TBCK: variants seen among roughly 807,000 people sequenced by gnomAD.
TBCK encodes TBC domain-containing protein kinase-like protein.
Under a neutral mutation model 113.4 loss-of-function variants are expected in TBCK, and 99 were observed. The observed-to-expected ratio is 0.87, with a 90% CI of 0.74 to 1.03. The LOEUF is 1.03. TBCK is among the 50% of genes least tolerant of loss of function. The probability of loss-of-function intolerance (pLI) is 0.00; values close to 1 mark genes in which losing one functional copy is unlikely to be tolerated. For synonymous variants in TBCK, 369 were observed against 370.8 expected, an observed-to-expected ratio of 1.00 and a Z score of 0.05; for missense variants, 1,045 against 1,061.3, an observed-to-expected ratio of 0.98 and a Z score of 0.21.
intron 12 of TBCK, among the ~76,000 whole-genome samples, chr4:106,242,078 A>G (rs1004547214): frequency 5.9e-5 from 9 of 152,098 alleles, no homozygotes; most frequent in African/African-American, 1.9e-4. Context: ...TAATACATAG[A>G]AGAGGTAGGT....
intron 25 of TBCK, among the ~76,000 whole-genome samples, chr4:106,053,279 A>C (rs1160949097): frequency 2.6e-5 from 4 of 151,514 alleles, no homozygotes; most frequent in Admixed American, 6.6e-5. Flanking sequence ...ATTCTCCCCA[A>C]ACTTTTGTCT....
chr4:106,107,337 C>T (rs1742286108), intron 24 of TBCK, among the ~76,000 whole-genome samples: 1 of 152,202 alleles, frequency 6.6e-6, no homozygotes, highest in South Asian at 2.1e-4. Flanking sequence ...AATATACATT[C>T]TTCTCATTAC....
chr4:106,188,777 G>A (rs1187929882), intron 22 of TBCK, among the ~76,000 whole-genome samples: 1 of 152,094 alleles, frequency 6.6e-6, no homozygotes, highest in African/African-American at 2.4e-5. Context: ...ACTTTATAAA[G>A]TATTTACATG....
chr4:106,280,479 G>C lies in TBCK; in HGVS notation c.266+14615C>G, dbSNP rs192706617. ...TGTTTTGGTTGCCTATGCTTGTGGG[G>C]TATTACACAGGAAATCTTTGCCCAG... On this transcript the variant is annotated intron_variant, in intron 3 of 25. Coordinates refer to ENST00000394708, the MANE Select transcript of TBCK (RefSeq NM_001163435.3). 3.4e-3 allele frequency among the ~76,000 whole-genome samples: 521 copies of C among 152,168 alleles called. 6 individuals are homozygous for C. Among genetic ancestry groups the C allele is most frequent in the African/African-American group, 0.012 (505 of 41,530 alleles).
chr4:106,248,150 C>T (rs1325910455), intron 9 of TBCK, 95 bp downstream of exon 9: 6 of 718,684 alleles, frequency 8.3e-6, no homozygotes, highest in Non-Finnish European at 1.3e-5. Flanking sequence ...TCCATATGTA[C>T]ATTATCTTTA....
chr4:106,144,829 G>C (rs1295090055), intron 23 of TBCK, among the ~76,000 whole-genome samples: 1 of 151,258 alleles, frequency 6.6e-6, no homozygotes, highest in African/African-American at 2.4e-5. Context: ...TTCGAGACCA[G>C]CCTGACCATC....
chr4:106,274,064 GT>G (rs1217048054), intron 3 of TBCK, among the ~76,000 whole-genome samples: 9 of 152,166 alleles, frequency 5.9e-5, no homozygotes, highest in Non-Finnish European at 5.9e-5. Flanking sequence ...AATTCCAAGG[GT>G]TTTTGAAGCT....
intron 24 of TBCK, among the ~76,000 whole-genome samples, chr4:106,103,151 C>A (rs1451410023): frequency 1.3e-5 from 2 of 152,122 alleles, no homozygotes; most frequent in African/African-American, 4.8e-5. Context: ...AGGGAAGGAT[C>A]TTTCTATCAT....
chr4:106,191,056 C>A (rs1753612912), intron 22 of TBCK, among the ~76,000 whole-genome samples: 3 of 152,162 alleles, frequency 2.0e-5, no homozygotes, highest in African/African-American at 7.2e-5. Context: ...GCTCAGTGAA[C>A]ATATTTGGGG....
chr4:106,210,166 A>G (rs1386857459), intron 20 of TBCK, among the ~76,000 whole-genome samples: 1 of 152,208 alleles, frequency 6.6e-6, no homozygotes, highest in Non-Finnish European at 1.5e-5. Flanking sequence ...CCTTCTAGAC[A>G]AAAGACAGAT....
intron 23 of TBCK, among the ~76,000 whole-genome samples, chr4:106,120,698 AG>A (rs1560677082): frequency 6.6e-6 from 1 of 152,178 alleles, no homozygotes; most frequent in South Asian, 2.1e-4. Flanking sequence ...ACCCCCCAGC[AG>A]GGGCACACTG....
intron 1 of TBCK, among the ~76,000 whole-genome samples, chr4:106,313,967 T>G (rs1561011864): frequency 6.6e-6 from 1 of 152,204 alleles, no homozygotes; most frequent in South Asian, 2.1e-4. Flanking sequence ...AATAATCTCC[T>G]TAGTATGGCA....
At chr4:106,311,559 T>A (rs1170184244) in intron 1 of TBCK, among the ~76,000 whole-genome samples, 1 of 151,790 alleles carries the variant, frequency 6.6e-6, no homozygotes, top group Non-Finnish European at 1.5e-5. Flanking sequence ...TAAGGGAATT[T>A]AAAAAAAATA....
chr4:106,093,765 A>G (rs1030507667), intron 25 of TBCK, among the ~76,000 whole-genome samples: 3 of 152,196 alleles, frequency 2.0e-5, no homozygotes, highest in Non-Finnish European at 4.4e-5. Context: ...AACCTGTACA[A>G]CAAATGCCTA....
chr4:106,113,340 G>A (rs1001233785), intron 24 of TBCK, among the ~76,000 whole-genome samples: 16 of 152,154 alleles, frequency 1.1e-4, no homozygotes, highest in African/African-American at 3.6e-4. Context: ...TAAGGACCCT[G>A]CAACACTACT....
chr4:106,097,972 G>T (rs188417629), intron 24 of TBCK, among the ~76,000 whole-genome samples: 1 of 152,126 alleles, frequency 6.6e-6, no homozygotes, highest in Admixed American at 6.5e-5. Flanking sequence ...CAAGGAAAGA[G>T]ACATGATAGA....
rs138784772 is a variant in TBCK, at chr4:106,148,483, G to T, written c.2235+22612C>A. ...AGAACCTACATGACTATCAGGGCAG[G>T]TTCCCCAATATATTATGTTATCATT... On this transcript the variant is annotated intron_variant, in intron 23 of 25. Transcript: ENST00000394708. Among the ~76,000 whole-genome samples, 763 of 152,190 alleles carry T rather than the reference G, an allele frequency of 5.0e-3. 4 individuals carry two copies. The highest frequency in any genetic ancestry group is 0.018 in the African/African-American group (734 of 41,514).
chr4:106,065,403 T>A (rs1736524662), intron 25 of TBCK, among the ~76,000 whole-genome samples: 1 of 152,046 alleles, frequency 6.6e-6, no homozygotes, highest in African/African-American at 2.4e-5. Flanking sequence ...CATGACTTTT[T>A]AAAAAACGAT....
chr4:106,208,695 G>C (rs1331331551), intron 20 of TBCK, among the ~76,000 whole-genome samples: 1 of 152,018 alleles, frequency 6.6e-6, no homozygotes, highest in Non-Finnish European at 1.5e-5. Flanking sequence ...CCACCAAACG[G>C]CAAGTGCAAA....
Sources: allele counts gnomAD v4.1 joint callset (sites outside exome capture counted in the v4.1 genomes callset), GRCh38; gene constraint gnomAD v4.1.1; transcripts MANE v1.5; gene names NCBI Gene and HGNC (gene_info 2026-07-23, HGNC 2026-07-21).